The following DNAH9 variants were observed in gnomAD, a reference collection of about 807,000 sequenced individuals.
DNAH9 encodes the protein DNAH9 variant protein.
In DNAH9, 345 loss-of-function variants were observed where a neutral mutation model predicts 471.6. The observed-to-expected ratio is 0.73, with a 90% confidence interval of 0.67 to 0.80. The LOEUF (loss-of-function observed/expected upper bound fraction) is 0.80. Ranked by LOEUF, DNAH9 falls within the 30% of genes least tolerant of loss-of-function variation. The probability of loss-of-function intolerance (pLI) is 0.00; values close to 1 mark genes in which losing one functional copy is unlikely to be tolerated. For synonymous variants in DNAH9, 2,093 were observed against 2,123.6 expected (o/e 0.99, Z 0.40); for missense variants, 5,407 against 5,609.2 (o/e 0.96, Z 1.15).
At chr17:11,698,708 G>T (rs2074537194) in intron 22 of DNAH9, among the ~76,000 whole-genome samples, 1 of 152,156 alleles carries the variant, frequency 6.6e-6, no homozygotes, top group South Asian at 2.1e-4. Context: ...AGCTCTACCA[G>T]GGGGCAGGTT....
intron 33 of DNAH9, among the ~76,000 whole-genome samples, chr17:11,754,968 A>G (rs1197174163): frequency 6.6e-6 from 1 of 152,170 alleles, no homozygotes; most frequent in Non-Finnish European, 1.5e-5. Flanking sequence ...TGGATTTTAC[A>G]TTTAAGTTTT....
chr17:11,816,654 C>T (rs1324438857), intron 45 of DNAH9, among the ~76,000 whole-genome samples: 1 of 152,180 alleles, frequency 6.6e-6, no homozygotes, highest in Non-Finnish European at 1.5e-5. Flanking sequence ...CCCTTTTTAT[C>T]ACCAAAGTCC....
At chr17:11,718,420 C>T (rs532112454) in intron 26 of DNAH9, among the ~76,000 whole-genome samples, 11 of 152,354 alleles carry the variant, frequency 7.2e-5, no homozygotes, top group South Asian at 2.1e-4. Flanking sequence ...TATTGTGCTA[C>T]GCACAAGTCT....
At chr17:11,732,227 A>G (rs1436446389) in intron 28 of DNAH9, among the ~76,000 whole-genome samples, 6 of 152,212 alleles carry the variant, frequency 3.9e-5, no homozygotes, top group African/African-American at 1.2e-4. Context: ...TGTTTCTGGA[A>G]TCAAATGAAA....
chr17:11,641,653 C>A (rs1490182819), intron 10 of DNAH9, among the ~76,000 whole-genome samples: 2 of 151,900 alleles, frequency 1.3e-5, no homozygotes, highest in Non-Finnish European at 2.9e-5. Flanking sequence ...AGATCTGAGC[C>A]CTCATGCATC....
At chr17:11,708,278 A>T (rs568795277) in intron 26 of DNAH9, among the ~76,000 whole-genome samples, 1 of 152,316 alleles carries the variant, frequency 6.6e-6, no homozygotes, top group South Asian at 2.1e-4. Flanking sequence ...GACCCAGATC[A>T]TAAGATTAGA....
chr17:11,917,315 C>T (rs1973990572), intron 61 of DNAH9, among the ~76,000 whole-genome samples: 3 of 152,080 alleles, frequency 2.0e-5, no homozygotes, highest in Non-Finnish European at 4.4e-5. Flanking sequence ...CACCACCATT[C>T]CTGGCTAATT....
intron 11 of DNAH9, among the ~76,000 whole-genome samples, 157 bp downstream of exon 11, chr17:11,644,856 TGC>T (rs2073350959): frequency 6.6e-6 from 1 of 151,608 alleles, no homozygotes; most frequent in Non-Finnish European, 1.5e-5. Context: ...ATTTCCGGGT[TGC>T]ACACACACAG....
chr17:11,598,966 A>G (rs1298567484), intron 1 of DNAH9, 51 bp downstream of exon 1: 12 of 693,084 alleles, frequency 1.7e-5, no homozygotes, highest in Admixed American at 7.2e-5. Context: ...GGGGGAGGGG[A>G]GGAGGAGCCT....
chr17:11,798,458 AGAGAG>A (rs1335821246), intron 43 of DNAH9, among the ~76,000 whole-genome samples: 3 of 125,658 alleles, frequency 2.4e-5, no homozygotes, highest in African/African-American at 9.5e-5. Flanking sequence ...AAAAAAAAAA[AGAGAG>A]AGAGAGAGAG....
Position 11,787,798 on chromosome 17 carries a change from C to T in DNAH9, c.8061+3259C>T, listed in dbSNP as rs189587699. 4.2e-4 allele frequency among the ~76,000 whole-genome samples: 64 copies of T among 152,240 alleles called. No homozygotes were observed. The South Asian group carries it at 0.011, about 25-fold the overall frequency. On this transcript the variant is annotated intron_variant, in intron 41 of 68. Coordinates refer to ENST00000262442, the MANE Select transcript of DNAH9 (RefSeq NM_001372.4). ...TTCTTGTGGTAGTGAGTAAGTCTCA[C>T]GAGATCTGATGATTTTATCAGGGGT...
intron 1 of DNAH9, among the ~76,000 whole-genome samples, chr17:11,606,941 A>G (rs1242471998): frequency 6.6e-6 from 1 of 152,142 alleles, no homozygotes; most frequent in Non-Finnish European, 1.5e-5. Context: ...AAAGTCACAT[A>G]AGACACTTTG....
At chr17:11,693,005 G>A (rs1052424333) in intron 20 of DNAH9, among the ~76,000 whole-genome samples, 47 of 148,736 alleles carry the variant, frequency 3.2e-4, no homozygotes, top group East Asian at 6.2e-4. Context: ...TCCCGGTTTC[G>A]AGCGATTCTC....
chr17:11,891,849 A>G lies in DNAH9; in HGVS notation c.11185A>G (p.Asn3729Asp), dbSNP rs757281716. 6.2e-6 allele frequency: 10 copies of G among 1,614,134 alleles called. No individual in the cohort carries two copies. The East Asian group carries it at 2.0e-4, about 32-fold the overall frequency. ...PDESLRERVA[N>D]LIDSITFSVY... Reference sequence around the variant, plus strand: ...CGAAAGCCTCAGGGAGCGGGTGGCCAACCTAATAGACAGCATAACCTTCTC... The same window carrying G: ...CGAAAGCCTCAGGGAGCGGGTGGCCGACCTAATAGACAGCATAACCTTCTC... The change falls in exon 58 of 69, where the codon AAC (asparagine) becomes GAC (aspartate). Residue 3729 changes from asparagine to aspartate, a missense_variant. Asn to Asp is a conservative substitution (Grantham distance 23). Transcript: ENST00000262442.
chr17:11,689,105 T>A (rs965148982), intron 19 of DNAH9, among the ~76,000 whole-genome samples: 34 of 147,212 alleles, frequency 2.3e-4, no homozygotes, highest in Non-Finnish European at 4.0e-4. Context: ...AAAAAAAAAA[T>A]AAAAATAAAA....
intron 10 of DNAH9, among the ~76,000 whole-genome samples, chr17:11,643,994 C>A (rs1297131183): frequency 6.6e-6 from 1 of 152,170 alleles, no homozygotes; most frequent in Non-Finnish European, 1.5e-5. Flanking sequence ...GCTCACAGGA[C>A]TGGAAGTTGC....
At chr17:11,806,322 C>T (rs1319051213) in intron 43 of DNAH9, among the ~76,000 whole-genome samples, 1 of 152,162 alleles carries the variant, frequency 6.6e-6, no homozygotes, top group Non-Finnish European at 1.5e-5. Context: ...ACTTCTAGAA[C>T]TTATCCTGAG....
At chr17:11,705,478 A>T (rs931636486) in intron 26 of DNAH9, 3 of 275,128 alleles carry the variant, frequency 1.1e-5, no homozygotes, top group Non-Finnish European at 1.4e-5. Context: ...TTTGATTATT[A>T]AAAACATTGA....
At chr17:11,849,178 C>T (rs116864989) in intron 49 of DNAH9, among the ~76,000 whole-genome samples, 3 of 152,232 alleles carry the variant, frequency 2.0e-5, no homozygotes, top group East Asian at 3.9e-4. Context: ...TACACTAGCT[C>T]GAAAATATGT....
Sources: gnomAD v4.1 joint callset for allele counts (sites outside exome capture counted in the v4.1 genomes callset) on GRCh38, gnomAD v4.1.1 for gene constraint, MANE v1.5 for transcripts, NCBI Gene and HGNC (gene_info 2026-07-23, HGNC 2026-07-21) for gene names.